The following RBFOX1 variants were observed in gnomAD, a reference collection of about 807,000 sequenced individuals.
The protein encoded by RBFOX1 is RNA binding fox-1 homolog 1.
Under a neutral mutation model 57.7 loss-of-function variants are expected in RBFOX1, and 8 were observed. The ratio of observed to expected loss-of-function variants is 0.14; its 90% CI spans 0.08 to 0.25. The LOEUF is 0.25. RBFOX1 is among the 10% of genes least tolerant of loss of function. RBFOX1 has a pLI of 1.00. For missense variants in RBFOX1, 611 were observed against 548.5 expected, an observed-to-expected ratio of 1.11 and a Z score of -1.14; for synonymous variants, 326 against 222.4, an observed-to-expected ratio of 1.47 and a Z score of -4.15.
At chr16:6,922,286 C>T (rs2074632411) in intron 3 of RBFOX1, among the ~76,000 whole-genome samples, 1 of 152,062 alleles carries the variant, frequency 6.6e-6, no homozygotes, top group Non-Finnish European at 1.5e-5. Context: ...GTAACTTATT[C>T]AGATATTGGA....
intron 4 of RBFOX1, among the ~76,000 whole-genome samples, chr16:7,210,878 G>T (rs992500867): frequency 3.7e-4 from 56 of 151,850 alleles, no homozygotes; most frequent in African/African-American, 1.3e-3. Flanking sequence ...CTGGTAATTT[G>T]CCAAAAGGGT....
At chr16:7,067,291 G>T (rs1408371420) in intron 4 of RBFOX1, among the ~76,000 whole-genome samples, 2 of 117,708 alleles carry the variant, frequency 1.7e-5, no homozygotes, top group Non-Finnish European at 1.9e-5. Context: ...TTTTATTGTG[G>T]CCCTAACAAA....
chr16:6,684,341 A>C (rs976286347), intron 3 of RBFOX1, among the ~76,000 whole-genome samples: 6 of 152,174 alleles, frequency 3.9e-5, no homozygotes, highest in Non-Finnish European at 8.8e-5. Flanking sequence ...GTATGCTTTT[A>C]TATAGTTTTT....
chr16:7,121,239 A>G lies in RBFOX1; in HGVS notation c.27+69141A>G, dbSNP rs74250057. Among the ~76,000 whole-genome samples, 114 of 152,234 alleles carry G rather than the reference A, an allele frequency of 7.5e-4. 4 individuals are homozygous for G. The East Asian group carries it at 0.019, about 25-fold the overall frequency. On this transcript the variant is annotated intron_variant, in intron 4 of 15. Coordinates refer to ENST00000550418, the MANE Select transcript of RBFOX1 (RefSeq NM_018723.4). ...GCTCCACTCTCACCAAACTTATGCC[A>G]CATAGTACTGGAAATCTTACTCACT... is the stretch of plus-strand genomic sequence containing the variant.
intron 3 of RBFOX1, among the ~76,000 whole-genome samples, chr16:5,721,260 A>C (rs558791539): frequency 7.9e-5 from 12 of 152,272 alleles, no homozygotes; most frequent in African/African-American, 2.9e-4. Context: ...GTTCATTACT[A>C]GTGTGAAGGA....
At chr16:5,632,957 G>A (rs1279514314) in intron 3 of RBFOX1, among the ~76,000 whole-genome samples, 1 of 31,310 alleles carries the variant, frequency 3.2e-5, no homozygotes, top group African/African-American at 1.3e-4. Context: ...TTTTTTTTTT[G>A]AGGTGGAGTC....
chr16:5,905,258 G>T (rs2058429865), intron 4 of RBFOX1, among the ~76,000 whole-genome samples: 1 of 151,648 alleles, frequency 6.6e-6, no homozygotes, highest in East Asian at 2.0e-4. Context: ...AGTAGAGACG[G>T]CCCAGGCTGG....
At chr16:6,624,910 C>G (rs886152599) in intron 2 of RBFOX1, among the ~76,000 whole-genome samples, 5 of 152,070 alleles carry the variant, frequency 3.3e-5, no homozygotes, top group African/African-American at 4.8e-5. Context: ...CGCCTGTAAT[C>G]CCAGCACTTT....
chr16:6,737,599 C>T (rs2070765441), intron 3 of RBFOX1, among the ~76,000 whole-genome samples: 1 of 152,122 alleles, frequency 6.6e-6, no homozygotes, highest in Admixed American at 6.5e-5. Flanking sequence ...TCGCCCGAGG[C>T]TCATTTGATG....
chr16:5,777,346 C>T (rs1000180500), intron 3 of RBFOX1, among the ~76,000 whole-genome samples: 6 of 152,164 alleles, frequency 3.9e-5, no homozygotes, highest in African/African-American at 1.2e-4. Flanking sequence ...CCTAGTGATT[C>T]CATTGGCCCA....
intron 2 of RBFOX1, among the ~76,000 whole-genome samples, chr16:5,494,629 G>A (rs903518112): frequency 6.6e-6 from 1 of 152,204 alleles, no homozygotes; most frequent in Non-Finnish European, 1.5e-5. Flanking sequence ...GAGCCTGTGG[G>A]CCGATGGCAG....
chr16:5,445,357 C>A (rs193183256), intron 1 of RBFOX1, among the ~76,000 whole-genome samples: 1 of 152,138 alleles, frequency 6.6e-6, no homozygotes, highest in African/African-American at 2.4e-5. Context: ...AACTCAACAC[C>A]CTGGAGTTTG....
At chr16:7,187,769 G>A (rs943231269) in intron 4 of RBFOX1, among the ~76,000 whole-genome samples, 3 of 143,154 alleles carry the variant, frequency 2.1e-5, no homozygotes, top group African/African-American at 7.9e-5. Context: ...AACAAAAATC[G>A]CTCTCTGTAA....
At chr16:6,377,619 A>T (rs1237376947) in intron 2 of RBFOX1, among the ~76,000 whole-genome samples, 1 of 152,118 alleles carries the variant, frequency 6.6e-6, no homozygotes, top group South Asian at 2.1e-4. Flanking sequence ...GAAATGGAAA[A>T]ATCCTCCAAG....
At position 7,665,019 on chromosome 16, in the gene RBFOX1, C is replaced by G. The variant is rs543570148; in HGVS notation, c.930+51C>G. On this transcript the variant is annotated intron_variant, in intron 13 of 15. Transcript: ENST00000550418. Reference sequence around the variant, plus strand: ...ATCCCCGTTTCCTCCTGGAGTCATTCTTTTTACAAGTTTGCTGTGAATTTC... The same window carrying G: ...ATCCCCGTTTCCTCCTGGAGTCATTGTTTTTACAAGTTTGCTGTGAATTTC... 9.4e-4 allele frequency: 1,516 copies of G among 1,613,726 alleles called. 26 individuals are homozygous for G. The South Asian group carries it at 0.016, about 17-fold the overall frequency.
At chr16:5,457,953 C>T (rs1054704633) in intron 1 of RBFOX1, among the ~76,000 whole-genome samples, 1 of 152,128 alleles carries the variant, frequency 6.6e-6, no homozygotes, top group Non-Finnish European at 1.5e-5. Flanking sequence ...AGCCCACTCA[C>T]AAGATGAGAA....
intron 3 of RBFOX1, among the ~76,000 whole-genome samples, chr16:6,870,899 T>A (rs1196105275): frequency 6.6e-6 from 1 of 152,198 alleles, no homozygotes; most frequent in Non-Finnish European, 1.5e-5. Flanking sequence ...AAAACTCATT[T>A]ATAAAGAGAA....
intron 3 of RBFOX1, among the ~76,000 whole-genome samples, chr16:6,954,510 AAG>A (rs1212569062): frequency 6.6e-6 from 1 of 152,204 alleles, no homozygotes; most frequent in African/African-American, 2.4e-5. Flanking sequence ...TTTTAATAAA[AAG>A]GGGGTAGTTG....
At chr16:5,257,921 C>G (rs1355586700) in intron 1 of RBFOX1, among the ~76,000 whole-genome samples, 1 of 152,140 alleles carries the variant, frequency 6.6e-6, no homozygotes, top group Non-Finnish European at 1.5e-5. Flanking sequence ...CTCTGTCACC[C>G]AGGCTGGAGT....
Sources: allele counts gnomAD v4.1 joint callset (sites outside exome capture counted in the v4.1 genomes callset), GRCh38; gene constraint gnomAD v4.1.1; transcripts MANE v1.5; gene names NCBI Gene and HGNC (gene_info 2026-07-23, HGNC 2026-07-21).